The following ETNK1 variants were observed in gnomAD, a reference collection of about 807,000 sequenced individuals.
ETNK1 encodes the protein putative protein product of Nbla10396.
A neutral mutation model predicts 45.1 loss-of-function variants in ETNK1; 8 were observed. That is an observed-to-expected ratio of 0.18 (90% CI 0.10 to 0.32). The LOEUF (loss-of-function observed/expected upper bound fraction) is 0.32, where lower values mean the gene tolerates loss of function less well. Ranked by LOEUF, ETNK1 falls within the 10% of genes least tolerant of loss-of-function variation. ETNK1 has a pLI of 1.00. For missense variants in ETNK1, 302 were observed against 430.6 expected, an observed-to-expected ratio of 0.70 and a Z score of 2.64; for synonymous variants, 152 against 151.9, an observed-to-expected ratio of 1.00 and a Z score of -0.01.
intron 1 of ETNK1, 24 bp from the exon 2 acceptor site, chr12:22,643,739 A>T: frequency 1.3e-6 from 2 of 1,560,894 alleles, no homozygotes; most frequent in Admixed American, 1.9e-5. Flanking sequence ...TTTTTTTCCC[A>T]TTTTTAAAAA....
chr12:22,661,273 T>G, intron 4 of ETNK1, 68 bp downstream of exon 4: 4 of 1,334,532 alleles, frequency 3.0e-6, no homozygotes, highest in Non-Finnish European at 4.1e-6. Flanking sequence ...ATTTTATCTC[T>G]ATATCAACAA....
In ETNK1 at chr12:22,645,738, G is replaced by A. The variant is rs143656985; in HGVS notation, c.416+1716G>A. On this transcript the variant is annotated intron_variant, in intron 2 of 7. Transcript: ENST00000266517. Reference sequence around the variant, plus strand: ...GGGACATTACAGTTCTTCTTTTCTAGCTATTTTGAAATATACAATAAATTA... The same window carrying A: ...GGGACATTACAGTTCTTCTTTTCTAACTATTTTGAAATATACAATAAATTA... Among the ~76,000 whole-genome samples, 34 of 151,318 alleles carry A rather than the reference G, an allele frequency of 2.2e-4. No individual in the cohort carries two copies. The East Asian group carries it at 6.6e-3, about 29-fold the overall frequency.
At position 22,643,902 on chromosome 12, in the gene ETNK1, T is replaced by A; in HGVS notation, c.296T>A (p.Val99Glu). The A allele has an allele frequency of 6.2e-7, 1 of 1,613,466 alleles. No individual in the cohort carries two copies. The highest frequency in any genetic ancestry group is 8.5e-7 in the Non-Finnish European group (1 of 1,179,530). ...GATGAGGAAGTAAAGAGTTTTCGAG[T>A]GTTGCAGGCTCATGGGTGTGCACCA... Reference protein sequence around the residue: ...DRDEEVKSFRVLQAHGCAPQL... With the variant: ...DRDEEVKSFRELQAHGCAPQL... The change falls in exon 2 of 8, where the codon GTG becomes GAG. Residue 99 changes from valine to glutamate, a missense_variant. Val to Glu is a moderately radical substitution (Grantham distance 121, BLOSUM62 -2). Around this residue, in one of 3 missense-constraint regions of ETNK1, gnomAD observed 205 missense variants for 259.9 expected, o/e 0.79. Coordinates refer to ENST00000266517, the MANE Select transcript of ETNK1 (RefSeq NM_018638.5).
At chr12:22,636,737 C>T (rs1303467116) in intron 1 of ETNK1, among the ~76,000 whole-genome samples, 1 of 151,914 alleles carries the variant, frequency 6.6e-6, no homozygotes, top group African/African-American at 2.4e-5. Context: ...TGTCATTATT[C>T]CTTAATACAG....
Position 22,685,917 on chromosome 12 carries a change from A to G in ETNK1, c.*963A>G, listed in dbSNP as rs750385766. The stretch of plus-strand genomic sequence containing the variant: ...TAGGTTAATTATTTTTTACCTATCC[A>G]GAGTCATTCCTTACATTTCAGTTTC... On this transcript the variant is annotated 3_prime_UTR_variant, in exon 8 of 8. Transcript: ENST00000266517. 4 of 152,276 alleles carry G rather than the reference A, an allele frequency of 2.6e-5. No individual in the cohort carries two copies. Among genetic ancestry groups the G allele is most frequent in the Non-Finnish European group, 5.9e-5 (4 of 67,802 alleles). The allele number at this position is 152,276 out of a possible 1,614,324, so 9.4% of individuals were successfully genotyped here.
chr12:22,638,256 T>G (rs1367592925), intron 1 of ETNK1, among the ~76,000 whole-genome samples: 15 of 83,772 alleles, frequency 1.8e-4, no homozygotes, highest in East Asian at 2.3e-4. Context: ...TAAGGTGGGG[T>G]TTTTTTTTTT....
chr12:22,684,876 C>T lies in ETNK1; in HGVS notation c.1020-6C>T, dbSNP rs766002132. On this transcript the variant is annotated splice_region_variant and splice_polypyrimidine_tract_variant and intron_variant, in intron 7 of 7. Coordinates refer to ENST00000266517, the MANE Select transcript of ETNK1 (RefSeq NM_018638.5). Reference sequence around the variant, plus strand: ...TAATTTTTTTGTTGTTCTCTTTTCTCACTAGGTATGCAATTGTTCGTTTTA... The same window carrying T: ...TAATTTTTTTGTTGTTCTCTTTTCTTACTAGGTATGCAATTGTTCGTTTTA... 3 of 1,596,690 alleles carry T rather than the reference C, an allele frequency of 1.9e-6. No homozygotes were observed. The highest frequency in any genetic ancestry group is 2.6e-6 in the Non-Finnish European group (3 of 1,174,294).
intron 4 of ETNK1, among the ~76,000 whole-genome samples, chr12:22,662,963 T>G (rs1954021327): frequency 6.6e-6 from 1 of 152,218 alleles, no homozygotes; most frequent in African/African-American, 2.4e-5. Flanking sequence ...AAAAATATAT[T>G]TGAGAATTTT....
chr12:22,671,805 C>T (rs1317640472), intron 5 of ETNK1, among the ~76,000 whole-genome samples: 1 of 144,680 alleles, frequency 6.9e-6, no homozygotes, highest in African/African-American at 2.6e-5. Context: ...CGCTACTGCA[C>T]TCCAGCCTGG....
intron 6 of ETNK1, among the ~76,000 whole-genome samples, chr12:22,680,895 C>G (rs553084991): frequency 1.1e-4 from 7 of 63,604 alleles, no homozygotes; most frequent in East Asian, 1.0e-3. Flanking sequence ...TTTCTTCCCC[C>G]GCCCCCCCCT....
rs147055868 is a variant in ETNK1, at chr12:22,674,678, A to G, written c.945+1018A>G. Among the ~76,000 whole-genome samples, 546 of 152,316 alleles carry G rather than the reference A, an allele frequency of 3.6e-3. 2 individuals are homozygous for G. The highest frequency in any genetic ancestry group is 0.013 in the African/African-American group (525 of 41,566). ...AATTTCAGATTCAGCCTAATATTCC[A>G]TTTATGCATTGAATTAGTTAATTTC... is the stretch of plus-strand genomic sequence containing the variant. On this transcript the variant is annotated intron_variant, in intron 6 of 7. Coordinates refer to ENST00000266517, the MANE Select transcript of ETNK1 (RefSeq NM_018638.5).
intron 1 of ETNK1, among the ~76,000 whole-genome samples, chr12:22,626,732 G>C (rs552488541): frequency 6.6e-6 from 1 of 152,108 alleles, no homozygotes; most frequent in Non-Finnish European, 1.5e-5. Flanking sequence ...TAAAGGACCC[G>C]TATGTTTTGG....
In ETNK1 at chr12:22,687,565, T is replaced by C. The variant is rs1235524955; in HGVS notation, c.*2611T>C. ...TTTCCTTTTTTCCCCTTCATACTTG[T>C]ATGATCTCACCTGACCAGTGATTTC... On this transcript the variant is annotated 3_prime_UTR_variant, in exon 8 of 8. Coordinates refer to ENST00000266517, the MANE Select transcript of ETNK1 (RefSeq NM_018638.5). 1 of 152,256 alleles carries C rather than the reference T, an allele frequency of 6.6e-6. No individual in the cohort carries two copies. Among genetic ancestry groups the C allele is most frequent in the Non-Finnish European group, 1.5e-5 (1 of 67,778 alleles). The allele number at this position is 152,256 out of a possible 1,614,324, so 9.4% of individuals were successfully genotyped here.
At chr12:22,632,862 T>A (rs972744857) in intron 1 of ETNK1, among the ~76,000 whole-genome samples, 2 of 152,348 alleles carry the variant, frequency 1.3e-5, no homozygotes, top group South Asian at 2.1e-4. Flanking sequence ...TGTGTTTTTT[T>A]AAAATTTTGG....
In ETNK1 at chr12:22,687,299, G is replaced by C. The variant is rs1954268788; in HGVS notation, c.*2345G>C. On this transcript the variant is annotated 3_prime_UTR_variant, in exon 8 of 8. Coordinates refer to ENST00000266517, the MANE Select transcript of ETNK1 (RefSeq NM_018638.5). ...ACCATGTAAGGGATTCTAAAGGAGG[G>C]TAAATCTCAAAGTGCTCTGAAATCA... 1 of 152,228 alleles carries C rather than the reference G, an allele frequency of 6.6e-6. No individual in the cohort carries two copies. Among genetic ancestry groups the C allele is most frequent in the Non-Finnish European group, 1.5e-5 (1 of 67,778 alleles). 9.4% of individuals were successfully genotyped at this position (152,228 alleles called of 1,614,324 possible).
At chr12:22,663,824 A>G (rs1405544132) in intron 4 of ETNK1, among the ~76,000 whole-genome samples, 1 of 150,788 alleles carries the variant, frequency 6.6e-6, no homozygotes, top group Non-Finnish European at 1.5e-5. Flanking sequence ...GTGGTTATGT[A>G]TGTGTCTTAG....
intron 6 of ETNK1, among the ~76,000 whole-genome samples, chr12:22,679,479 A>G (rs966117109): frequency 1.8e-4 from 27 of 152,288 alleles, no homozygotes; most frequent in African/African-American, 6.5e-4. Context: ...CCCAGTCCAC[A>G]GACTCAAATG....
At chr12:22,656,700 AC>A in intron 2 of ETNK1, 1 of 985,298 alleles carries the variant, frequency 1.0e-6, no homozygotes, top group Non-Finnish European at 1.2e-6. Context: ...GGGGAAAATT[AC>A]GTTTTGTAAG....
rs1954213795 is a variant in ETNK1 at position 22,681,342 on chromosome 12, G to A, written c.946-3141G>A. Among the ~76,000 whole-genome samples, 3 of 151,904 alleles carry A rather than the reference G, an allele frequency of 2.0e-5. No individual in the cohort carries two copies. In the South Asian group the frequency reaches 6.2e-4, roughly 32 times the overall value. ...TAGTTACCATCTCTGCTTGACAATG[G>A]TGAGAAGAGCTAAGTTGGTATGTTT... On this transcript the variant is annotated intron_variant, in intron 6 of 7. Transcript: ENST00000266517.
Sources: gnomAD v4.1 joint callset for allele counts (sites outside exome capture counted in the v4.1 genomes callset) on GRCh38, gnomAD v4.1.1 for gene constraint, gnomAD v4.1.1 regional missense constraint, MANE v1.5 for transcripts, NCBI Gene and HGNC (gene_info 2026-07-23, HGNC 2026-07-21) for gene names.